NOTCH2: variants seen among roughly 807,000 people sequenced by gnomAD.
NOTCH2 encodes the protein neurogenic locus notch homolog protein 2.
In NOTCH2, 29 loss-of-function variants were observed where a neutral mutation model predicts 235.8. The ratio of observed to expected loss-of-function variants is 0.12; its 90% CI spans 0.09 to 0.17. The LOEUF (loss-of-function observed/expected upper bound fraction) is 0.17, where lower values mean the gene tolerates loss of function less well. NOTCH2 is among the 10% of genes least tolerant of loss of function. NOTCH2 has a pLI of 1.00. For missense variants in NOTCH2, 2,285 were observed against 3,150.2 expected (o/e 0.73, Z 6.57); for synonymous variants, 1,086 against 1,141.5 (o/e 0.95, Z 0.98).
chr1:120,042,530 CA>C (rs1654618601), intron 1 of NOTCH2, among the ~76,000 whole-genome samples: 3 of 133,366 alleles, frequency 2.2e-5, no homozygotes, highest in Admixed American at 1.4e-4. Context: ...ATCACATTAA[CA>C]AGATGAAGTC....
chr1:119,927,931 G>A (rs1649529075), intron 23 of NOTCH2, among the ~76,000 whole-genome samples: 1 of 152,192 alleles, frequency 6.6e-6, no homozygotes, highest in Non-Finnish European at 1.5e-5. Flanking sequence ...AAAGATGGCT[G>A]GAGATGGGCT....
intron 4 of NOTCH2, chr1:119,996,603 C>G: frequency 1.2e-6 from 1 of 815,992 alleles, no homozygotes; most frequent in Non-Finnish European, 2.2e-6. Context: ...AGTTGATCAC[C>G]TACTGTTAAT....
At chr1:119,988,455 T>C (rs1652105251) in intron 4 of NOTCH2, among the ~76,000 whole-genome samples, 1 of 152,176 alleles carries the variant, frequency 6.6e-6, no homozygotes, top group African/African-American at 2.4e-5. Flanking sequence ...TGAAAAAGAC[T>C]ATGAAAATTT....
intron 5 of NOTCH2, among the ~76,000 whole-genome samples, chr1:119,977,595 C>T (rs937208028): frequency 7.2e-5 from 11 of 152,176 alleles, no homozygotes; most frequent in African/African-American, 1.2e-4. Context: ...TATTCCCCAA[C>T]GTCACTACTA....
chr1:120,004,020 C>T (rs1385260413), intron 3 of NOTCH2, among the ~76,000 whole-genome samples: 8 of 151,118 alleles, frequency 5.3e-5, no homozygotes, highest in East Asian at 1.9e-4. Flanking sequence ...GTTTATTCTG[C>T]GGATGATGAA....
At position 119,941,457 on chromosome 1, in the gene NOTCH2, C is replaced by T. The variant is rs1179224231; in HGVS notation, c.2981+69G>A. On this transcript the variant is annotated intron_variant, in intron 18 of 33. Coordinates refer to ENST00000256646, the MANE Select transcript of NOTCH2 (RefSeq NM_024408.4). Reference sequence around the variant, plus strand: ...CCTGCTCCACAATTCTAGCATTGTGCTCTGAAATTTCCTTCCCTTTCTCCC... The same window carrying T: ...CCTGCTCCACAATTCTAGCATTGTGTTCTGAAATTTCCTTCCCTTTCTCCC... 11 of 1,107,310 alleles carry T rather than the reference C, an allele frequency of 9.9e-6. No individual in the cohort carries two copies. The African/African-American group carries it at 1.2e-4, about 12-fold the overall frequency. 68.6% of individuals were successfully genotyped at this position (1,107,310 alleles called of 1,614,324 possible). A position where few individuals can be genotyped will look rare whatever the true frequency, so the allele number is the denominator to read the frequency against.
chr1:120,007,089 C>T (rs587595931), intron 2 of NOTCH2, among the ~76,000 whole-genome samples: 52 of 152,262 alleles, frequency 3.4e-4, no homozygotes, highest in African/African-American at 1.1e-3. Context: ...ATAAGCATGG[C>T]GGAGCAAGGA....
Position 120,001,177 on chromosome 1 carries a change from C to A in NOTCH2, c.416-3845G>T, listed in dbSNP as rs1198001492. Among the ~76,000 whole-genome samples the A allele has an allele frequency of 3.3e-5, 5 of 152,238 alleles. No individual in the cohort carries two copies. The East Asian group carries it at 9.6e-4, about 29-fold the overall frequency. ...TATGGAACTGTAAGTCCAATTAAAC[C>A]TCTTTTCTTTCCGGTCTCGGGGATA... On this transcript the variant is annotated intron_variant, in intron 3 of 33. Transcript: ENST00000256646.
At chr1:119,920,989 T>A (rs1381396520) in intron 29 of NOTCH2, among the ~76,000 whole-genome samples, 2 of 152,208 alleles carry the variant, frequency 1.3e-5, no homozygotes, top group Non-Finnish European at 2.9e-5. Context: ...AAGGCACATA[T>A]GCCAACACAA....
chr1:120,026,982 C>T (rs1288405378), intron 2 of NOTCH2, among the ~76,000 whole-genome samples: 14 of 138,534 alleles, frequency 1.0e-4, no homozygotes, highest in Admixed American at 9.4e-4. Context: ...GACACAGTCT[C>T]GCTCTGTCGC....
intron 1 of NOTCH2, among the ~76,000 whole-genome samples, chr1:120,039,834 T>C (rs1553212487): frequency 6.9e-6 from 1 of 145,342 alleles, no homozygotes; most frequent in African/African-American, 2.5e-5. Context: ...AACAACATAT[T>C]CTTTTAGCTT....
chr1:119,940,922 T>A (rs1018279542), intron 18 of NOTCH2, among the ~76,000 whole-genome samples, 166 bp from the exon 19 acceptor site: 1 of 152,212 alleles, frequency 6.6e-6, no homozygotes, highest in African/African-American at 2.4e-5. Flanking sequence ...AGCTCTGAGG[T>A]GCCCACTTCC....
intron 17 of NOTCH2, among the ~76,000 whole-genome samples, chr1:119,942,543 T>C (rs1553196584): frequency 1.3e-5 from 2 of 152,252 alleles, no homozygotes; most frequent in East Asian, 3.8e-4. Context: ...AATTCCCTTA[T>C]AAGACTCATC....
At position 120,004,142 on chromosome 1, in the gene NOTCH2, C is replaced by T. The variant is rs587643256; in HGVS notation, c.415+1187G>A. ...TGGGGAGAGAATAAAGGCAAGAAAACGTATTCAGAAACTATTTCAGAAGTC... is the reference window on the plus strand; with the variant it reads ...TGGGGAGAGAATAAAGGCAAGAAAATGTATTCAGAAACTATTTCAGAAGTC... On this transcript the variant is annotated intron_variant, in intron 3 of 33. Coordinates refer to ENST00000256646, the MANE Select transcript of NOTCH2 (RefSeq NM_024408.4). Among the ~76,000 whole-genome samples, 6 of 152,102 alleles carry T rather than the reference C, an allele frequency of 3.9e-5. No individual in the cohort carries two copies. In the South Asian group the frequency reaches 6.2e-4, roughly 16 times the overall value.
chr1:119,986,063 A>G (rs1481653812), intron 5 of NOTCH2, among the ~76,000 whole-genome samples: 1 of 152,232 alleles, frequency 6.6e-6, no homozygotes, highest in Non-Finnish European at 1.5e-5. Flanking sequence ...GATAAGGAAA[A>G]GTAATTCAGA....
At chr1:120,060,371 T>G (rs587618820) in intron 1 of NOTCH2, among the ~76,000 whole-genome samples, 1 of 147,712 alleles carries the variant, frequency 6.8e-6, no homozygotes, top group African/African-American at 2.5e-5. Context: ...GTAAAGATTT[T>G]TAAAAATAAA....
chr1:119,947,912 T>C (rs1416057889), intron 17 of NOTCH2, among the ~76,000 whole-genome samples: 2 of 152,224 alleles, frequency 1.3e-5, no homozygotes, highest in Non-Finnish European at 2.9e-5. Context: ...ACTGCATTTA[T>C]ATAAAATGAT....
At chr1:119,938,916 G>A (rs1031102390) in intron 19 of NOTCH2, among the ~76,000 whole-genome samples, 5 of 152,208 alleles carry the variant, frequency 3.3e-5, no homozygotes, top group Admixed American at 1.3e-4. Context: ...TCCTGACCTC[G>A]TGATCCACCT....
chr1:119,921,424 C>A (rs1242761615), intron 29 of NOTCH2, among the ~76,000 whole-genome samples: 1 of 152,218 alleles, frequency 6.6e-6, no homozygotes, highest in Admixed American at 6.5e-5. Context: ...GAATTGCCAT[C>A]TACACACACC....
Sources: gnomAD v4.1 joint callset for allele counts (sites outside exome capture counted in the v4.1 genomes callset) on GRCh38, gnomAD v4.1.1 for gene constraint, MANE v1.5 for transcripts, NCBI Gene and HGNC (gene_info 2026-07-23, HGNC 2026-07-21) for gene names.